Variants in TLL1 observed in about 807,000 individuals in gnomAD.
TLL1 encodes tolloid-like protein 1.
In TLL1, 49 loss-of-function variants were observed where a neutral mutation model predicts 128.2. The ratio of observed to expected loss-of-function variants is 0.38; its 90% CI spans 0.30 to 0.48. TLL1 has a LOEUF of 0.48. Ranked by LOEUF, TLL1 falls within the 20% of genes least tolerant of loss-of-function variation. The probability of loss-of-function intolerance (pLI) is 0.96; values close to 1 mark genes in which losing one functional copy is unlikely to be tolerated. For synonymous variants in TLL1, 454 were observed against 418.8 expected (o/e 1.08, Z -1.03); for missense variants, 1,123 against 1,242.0 (o/e 0.90, Z 1.44).
intron 19 of TLL1, 100 bp downstream of exon 19, chr4:166,091,441 C>A (rs1178819002): frequency 4.0e-6 from 4 of 1,000,112 alleles, no homozygotes; most frequent in Non-Finnish European, 5.9e-6. Flanking sequence ...AATCTCCAAG[C>A]ATAGCAGATA....
At chr4:165,900,269 C>T (rs1476592103) in intron 1 of TLL1, among the ~76,000 whole-genome samples, 1 of 152,054 alleles carries the variant, frequency 6.6e-6, no homozygotes, top group Non-Finnish European at 1.5e-5. Context: ...GAATTTGATC[C>T]TGTCATCATG....
intron 1 of TLL1, among the ~76,000 whole-genome samples, chr4:165,889,833 T>A (rs1319445924): frequency 6.6e-6 from 1 of 152,218 alleles, no homozygotes; most frequent in Non-Finnish European, 1.5e-5. Context: ...TAAGTTGAAT[T>A]GATTTACATT....
chr4:166,084,988 A>T (rs1741442758), intron 18 of TLL1, among the ~76,000 whole-genome samples: 1 of 151,544 alleles, frequency 6.6e-6, no homozygotes. Flanking sequence ...CAGTGTAGAG[A>T]TTTCCACTTA....
Position 166,055,192 on chromosome 4 carries a change from T to C in TLL1, c.1641T>C (p.Ser547=). 1 of 1,613,738 alleles carries C rather than the reference T, an allele frequency of 6.2e-7. No homozygotes were observed. The highest frequency in any genetic ancestry group is 2.2e-5 in the East Asian group (1 of 44,796). Residue 547 remains serine, a synonymous_variant, in exon 13 of 21, where the codon TCT becomes TCC. Transcript: ENST00000061240. ...ATGACAAACCTGAAGACATAAGATC[T>C]ACCTCCAATACTTTGTGGATGAAGT... ...CGYDKPEDIR[S]TSNTLWMKFV...
intron 1 of TLL1, among the ~76,000 whole-genome samples, chr4:165,936,852 G>A (rs1457879178): frequency 1.3e-5 from 2 of 152,122 alleles, no homozygotes; most frequent in Non-Finnish European, 2.9e-5. Flanking sequence ...AGAATAGCTT[G>A]AACACGGGAG....
intron 1 of TLL1, among the ~76,000 whole-genome samples, chr4:165,940,223 G>A (rs142736555): frequency 6.6e-6 from 1 of 151,578 alleles, no homozygotes; most frequent in African/African-American, 2.4e-5. Flanking sequence ...TTGACGTTTT[G>A]GAATTACCTT....
At chr4:166,087,726 C>G (rs1314219499) in intron 18 of TLL1, among the ~76,000 whole-genome samples, 2 of 152,264 alleles carry the variant, frequency 1.3e-5, no homozygotes, top group African/African-American at 4.8e-5. Flanking sequence ...AATAAAAGAA[C>G]CTCTACAGAT....
chr4:165,989,296 T>A, intron 1 of TLL1, 85 bp from the exon 2 acceptor site: 1 of 1,045,264 alleles, frequency 9.6e-7, no homozygotes, highest in Non-Finnish European at 1.5e-6. Context: ...GTTTCCATAT[T>A]TTTAACAATG....
intron 12 of TLL1, among the ~76,000 whole-genome samples, chr4:166,047,212 T>C (rs2111099732): frequency 6.6e-6 from 1 of 151,806 alleles, no homozygotes; most frequent in East Asian, 1.9e-4. Flanking sequence ...TCGCCCAGAC[T>C]GCAAGGCAGT....
At chr4:165,901,950 G>T (rs1732011762) in intron 1 of TLL1, among the ~76,000 whole-genome samples, 1 of 152,202 alleles carries the variant, frequency 6.6e-6, no homozygotes, top group Admixed American at 6.5e-5. Flanking sequence ...GCCCAGAGAG[G>T]AGGAATCTAG....
chr4:166,102,590 T>G lies in TLL1; in HGVS notation c.*1714T>G, dbSNP rs1742342516. ...CTATTTTGATGTCAATATAGATTAC[T>G]GTATGAAGTAGCTTTGTGTCTGTTA... On this transcript the variant is annotated 3_prime_UTR_variant, in exon 21 of 21. Transcript: ENST00000061240. 6.6e-6 allele frequency: 1 copy of G among 152,210 alleles called. No homozygotes were observed. The highest frequency in any genetic ancestry group is 2.4e-5 in the African/African-American group (1 of 41,428). The allele number at this position is 152,210 out of a possible 1,614,324, so 9.4% of individuals were successfully genotyped here.
At chr4:166,029,828 A>G (rs1464165085) in intron 9 of TLL1, among the ~76,000 whole-genome samples, 1 of 151,828 alleles carries the variant, frequency 6.6e-6, no homozygotes, top group Admixed American at 6.6e-5. Context: ...GACATGATTT[A>G]TTTTTTATGC....
intron 3 of TLL1, 99 bp from the exon 4 acceptor site, chr4:165,994,282 A>G: frequency 7.0e-7 from 1 of 1,436,720 alleles, no homozygotes. Context: ...TTATACAAAA[A>G]ATATGTAAAT....
At chr4:165,892,203 G>A (rs913629353) in intron 1 of TLL1, among the ~76,000 whole-genome samples, 12 of 152,132 alleles carry the variant, frequency 7.9e-5, no homozygotes, top group South Asian at 4.1e-4. Context: ...ACTTCCCACC[G>A]GTCCCTGCAA....
Position 165,873,895 on chromosome 4 carries a change from G to C in TLL1, c.-10G>C. 2 of 1,613,476 alleles carry C rather than the reference G, an allele frequency of 1.2e-6. No individual in the cohort carries two copies. The highest frequency in any genetic ancestry group is 1.7e-6 in the Non-Finnish European group (2 of 1,179,962). ...GGTCCCGTCCCCTCCTTTTCCTCCGGGGGAGGAGGATGGGGTTGGGAACGC... is the reference window on the plus strand; with the variant it reads ...GGTCCCGTCCCCTCCTTTTCCTCCGCGGGAGGAGGATGGGGTTGGGAACGC... On this transcript the variant is annotated 5_prime_UTR_variant, in exon 1 of 21. Transcript: ENST00000061240.
chr4:166,035,487 A>G (rs1276253829), intron 9 of TLL1, among the ~76,000 whole-genome samples: 2 of 152,176 alleles, frequency 1.3e-5, no homozygotes, highest in Non-Finnish European at 2.9e-5. Flanking sequence ...TAAGCCTGAT[A>G]TGGTGACCTC....
At position 166,016,642 on chromosome 4, in the gene TLL1, A is replaced by C. The variant is rs116599122; in HGVS notation, c.1042+2082A>C. Among the ~76,000 whole-genome samples the C allele has an allele frequency of 5.1e-3, 777 of 152,190 alleles. 2 individuals carry two copies. The highest frequency in any genetic ancestry group is 0.018 in the African/African-American group (735 of 41,542). ...GAAATATAGAAATAATAATGTGTAC[A>C]TTATTTTATTTAATACAATAAAACC... On this transcript the variant is annotated intron_variant, in intron 8 of 20. Transcript: ENST00000061240.
chr4:166,086,747 A>G lies in TLL1; in HGVS notation c.2443-4381A>G, dbSNP rs1178404137. The stretch of plus-strand genomic sequence containing the variant: ...GATTCAAAGGGAGGAGAATTAGACT[A>G]GAAACACACAACCTTGCCTTCCCAA... On this transcript the variant is annotated intron_variant, in intron 18 of 20. Transcript: ENST00000061240. Among the ~76,000 whole-genome samples the G allele has an allele frequency of 2.0e-5, 3 of 152,154 alleles. No individual in the cohort carries two copies. The East Asian group carries it at 5.8e-4, about 29-fold the overall frequency.
intron 1 of TLL1, among the ~76,000 whole-genome samples, chr4:165,940,050 T>A (rs1240669385): frequency 6.6e-6 from 1 of 152,032 alleles, no homozygotes; most frequent in African/African-American, 2.4e-5. Flanking sequence ...CAATTCAGAT[T>A]TTTATTATTG....
Sources: gnomAD v4.1 joint callset for allele counts (sites outside exome capture counted in the v4.1 genomes callset) on GRCh38, gnomAD v4.1.1 for gene constraint, MANE v1.5 for transcripts, NCBI Gene and HGNC (gene_info 2026-07-23, HGNC 2026-07-21) for gene names.